PPP1R9A: variants seen among roughly 807,000 people sequenced by gnomAD.
The protein encoded by PPP1R9A is neurabin-1.
In PPP1R9A, 59 loss-of-function variants were observed where a neutral mutation model predicts 141.9. The ratio of observed to expected loss-of-function variants is 0.42; its 90% CI spans 0.34 to 0.52. The LOEUF is 0.52. Among genes scored for constraint, PPP1R9A ranks in the 20% least tolerant of loss-of-function variants. The pLI, the probability that PPP1R9A is intolerant of heterozygous loss-of-function variation, is 0.10. For missense variants in PPP1R9A, 1,444 were observed against 1,611.9 expected (o/e 0.90, Z 1.78); for synonymous variants, 500 against 569.7 (o/e 0.88, Z 1.74).
At chr7:94,930,596 T>A in intron 2 of PPP1R9A, among the ~76,000 whole-genome samples, 1 of 152,114 alleles carries the variant, frequency 6.6e-6, no homozygotes, top group Non-Finnish European at 1.5e-5. Flanking sequence ...CGCCTCGGCC[T>A]CCTAAAGTGC....
chr7:94,950,006 C>T (rs1463615314), intron 2 of PPP1R9A, among the ~76,000 whole-genome samples: 2 of 151,258 alleles, frequency 1.3e-5, no homozygotes, highest in Non-Finnish European at 1.5e-5. Context: ...GTGTCAAGAC[C>T]CTTTTACCTA....
intron 2 of PPP1R9A, among the ~76,000 whole-genome samples, chr7:94,997,358 A>G (rs1158251954): frequency 2.0e-5 from 3 of 152,054 alleles, no homozygotes; most frequent in Admixed American, 1.3e-4. Flanking sequence ...TATTATGACT[A>G]TTATACTATT....
intron 2 of PPP1R9A, among the ~76,000 whole-genome samples, chr7:95,020,539 G>A (rs1805796578): frequency 6.6e-6 from 1 of 152,064 alleles, no homozygotes; most frequent in Admixed American, 6.6e-5. Flanking sequence ...GTATACATGT[G>A]CCATGGTGGT....
intron 15 of PPP1R9A, 41 bp from the exon 16 acceptor site, chr7:95,274,044 A>T: frequency 6.7e-7 from 1 of 1,502,968 alleles, no homozygotes. Flanking sequence ...TGAAAGAGAA[A>T]ATTTCAGCTT....
At chr7:95,231,232 T>A (rs1023076872) in intron 8 of PPP1R9A, among the ~76,000 whole-genome samples, 23 of 152,104 alleles carry the variant, frequency 1.5e-4, no homozygotes, top group Admixed American at 8.5e-4. Context: ...CAGCTAACAC[T>A]GGAGCTCCGA....
At chr7:95,222,312 GAGCA>G (rs1794574297) in intron 7 of PPP1R9A, among the ~76,000 whole-genome samples, 1 of 151,994 alleles carries the variant, frequency 6.6e-6, no homozygotes, top group African/African-American at 2.4e-5. Flanking sequence ...ATAAAAGAAG[GAGCA>G]TGGGCTTTAA....
chr7:95,024,084 T>C (rs889817126), intron 2 of PPP1R9A, among the ~76,000 whole-genome samples: 6 of 152,162 alleles, frequency 3.9e-5, no homozygotes, highest in South Asian at 4.1e-4. Context: ...TCCATGTAAT[T>C]GTGTGGTTTT....
intron 12 of PPP1R9A, among the ~76,000 whole-genome samples, chr7:95,253,686 CTA>C (rs1324511095): frequency 1.3e-5 from 2 of 152,032 alleles, no homozygotes; most frequent in Non-Finnish European, 2.9e-5. Context: ...TGTTTTGAAA[CTA>C]TATGGTTTAG....
At chr7:95,011,878 CTA>C (rs1313402527) in intron 2 of PPP1R9A, among the ~76,000 whole-genome samples, 1 of 152,062 alleles carries the variant, frequency 6.6e-6, no homozygotes, top group Non-Finnish European at 1.5e-5. Context: ...GACTGATGTG[CTA>C]TGTCATGGCA....
intron 2 of PPP1R9A, among the ~76,000 whole-genome samples, chr7:95,103,213 A>G (rs1819014414): frequency 1.9e-5 from 1 of 53,708 alleles, no homozygotes; most frequent in African/African-American, 8.4e-5. Context: ...ATATAAATAT[A>G]TATAGTATGT....
At chr7:95,010,067 G>A (rs923198375) in intron 2 of PPP1R9A, among the ~76,000 whole-genome samples, 3 of 152,100 alleles carry the variant, frequency 2.0e-5, no homozygotes, top group African/African-American at 7.2e-5. Context: ...TTCCAGAAAT[G>A]TTAATATCAA....
chr7:95,228,480 G>A (rs1415276899), intron 8 of PPP1R9A, among the ~76,000 whole-genome samples: 1 of 151,986 alleles, frequency 6.6e-6, no homozygotes, highest in Admixed American at 6.6e-5. Context: ...TTGGTGGGAG[G>A]GCCAACATTA....
intron 8 of PPP1R9A, among the ~76,000 whole-genome samples, chr7:95,234,158 A>G (rs928028005): frequency 1.3e-5 from 2 of 152,184 alleles, no homozygotes; most frequent in Non-Finnish European, 2.9e-5. Context: ...TGCATTCAAC[A>G]TAGTACTGGA....
At chr7:95,072,695 T>A (rs1488442713) in intron 2 of PPP1R9A, among the ~76,000 whole-genome samples, 11 of 115,506 alleles carry the variant, frequency 9.5e-5, no homozygotes, top group Non-Finnish European at 1.7e-4. Context: ...ATATATTATG[T>A]AATATAATAT....
rs193172918 is a variant in PPP1R9A, at chr7:95,130,823, C to T, written c.1649+9991C>T. On this transcript the variant is annotated intron_variant, in intron 4 of 19. Coordinates refer to ENST00000433360, the MANE Select transcript of PPP1R9A (RefSeq NM_001166160.2). ...GCTGGATTTGAGACTTGCATGGGGA[C>T]TGTAGCCTCTTTGTTTTGGCCAGTT... is the stretch of plus-strand genomic sequence containing the variant. 1.5e-3 allele frequency among the ~76,000 whole-genome samples: 230 copies of T among 152,280 alleles called. 1 individual carries two copies. Among genetic ancestry groups the T allele is most frequent in the African/African-American group, 5.3e-3 (221 of 41,562 alleles).
intron 2 of PPP1R9A, among the ~76,000 whole-genome samples, chr7:95,000,512 A>G (rs1584207798): frequency 6.6e-6 from 1 of 152,276 alleles, no homozygotes; most frequent in Admixed American, 6.5e-5. Context: ...TACTCTTACT[A>G]TAGCCTACAT....
intron 14 of PPP1R9A, among the ~76,000 whole-genome samples, chr7:95,272,870 A>G (rs1436630206): frequency 6.6e-6 from 1 of 152,234 alleles, no homozygotes; most frequent in East Asian, 1.9e-4. Flanking sequence ...TTTAAAAGAT[A>G]AGAGACAGAA....
At chr7:95,257,742 C>T (rs1410101587) in intron 12 of PPP1R9A, among the ~76,000 whole-genome samples, 2 of 152,060 alleles carry the variant, frequency 1.3e-5, no homozygotes, top group African/African-American at 2.4e-5. Context: ...GTTCAATTCT[C>T]ACCTATGAGT....
chr7:95,117,565 G>A (rs1454443143), intron 3 of PPP1R9A, among the ~76,000 whole-genome samples: 1 of 152,176 alleles, frequency 6.6e-6, no homozygotes, highest in African/African-American at 2.4e-5. Flanking sequence ...GCAATGGAAG[G>A]AAGAAAGAGA....
Sources: allele counts gnomAD v4.1 joint callset (sites outside exome capture counted in the v4.1 genomes callset), GRCh38; gene constraint gnomAD v4.1.1; transcripts MANE v1.5; gene names NCBI Gene and HGNC (gene_info 2026-07-23, HGNC 2026-07-21).